Variants in SYNE1 observed in about 807,000 individuals in gnomAD.
SYNE1 encodes spectrin repeat containing nuclear envelope protein 1.
Under a neutral mutation model 1,111.0 loss-of-function variants are expected in SYNE1, and 616 were observed. The observed-to-expected ratio is 0.55, with a 90% CI of 0.52 to 0.59. SYNE1 has a LOEUF of 0.59. Among genes scored for constraint, SYNE1 ranks in the 20% least tolerant of loss-of-function variants. SYNE1 has a pLI of 0.00. For synonymous variants in SYNE1, 3,855 were observed against 3,825.8 expected, an observed-to-expected ratio of 1.01 and a Z score of -0.28; for missense variants, 10,006 against 10,417.0, an observed-to-expected ratio of 0.96 and a Z score of 1.72.
chr6:152,492,324 A>G (rs1451518897), intron 11 of SYNE1, among the ~76,000 whole-genome samples: 1 of 152,230 alleles, frequency 6.6e-6, no homozygotes, highest in Non-Finnish European at 1.5e-5. Context: ...GTACAATAAT[A>G]GAGAAGAGTC....
chr6:152,260,163 T>C (rs1470876309), intron 101 of SYNE1, among the ~76,000 whole-genome samples: 1 of 152,156 alleles, frequency 6.6e-6, no homozygotes, highest in African/African-American at 2.4e-5. Flanking sequence ...AATCTAGAAA[T>C]ATCGTAGATT....
At chr6:152,543,405 C>T (rs2099283009) in intron 3 of SYNE1, among the ~76,000 whole-genome samples, 1 of 152,054 alleles carries the variant, frequency 6.6e-6, no homozygotes, top group African/African-American at 2.4e-5. Context: ...ATTCAGCAAA[C>T]CCTCATTTTT....
At chr6:152,122,797 C>G in intron 145 of SYNE1, 121 bp from the exon 146 acceptor site, 1 of 1,484,256 alleles carries the variant, frequency 6.7e-7, no homozygotes, top group African/African-American at 1.4e-5. Flanking sequence ...GCCTGGCGAT[C>G]AGCTGCCAGC....
At chr6:152,333,139 T>G (rs115934223) in intron 77 of SYNE1, among the ~76,000 whole-genome samples, 1,599 of 151,758 alleles carry the variant, frequency 0.011, 37 homozygotes, top group African/African-American at 0.036. Flanking sequence ...AAGTGTAGAT[T>G]TTAACAATTA....
At position 152,325,313 on chromosome 6, in the gene SYNE1, G is replaced by T. The variant is rs1318890102; in HGVS notation, c.15439-11C>A. The T allele has an allele frequency of 1.9e-6, 3 of 1,613,666 alleles. No homozygotes were observed. The East Asian group carries it at 6.7e-5, about 36-fold the overall frequency. On this transcript the variant is annotated splice_polypyrimidine_tract_variant and intron_variant, in intron 80 of 145. Coordinates refer to ENST00000367255, the MANE Select transcript of SYNE1 (RefSeq NM_182961.4). ...CACTGACACTAAAGCCTAGGGTTGG[G>T]GGTGGAGGACGGAAGAGAGGAGACA...
chr6:152,483,708 T>C (rs778371478), intron 13 of SYNE1, among the ~76,000 whole-genome samples: 5 of 152,128 alleles, frequency 3.3e-5, no homozygotes, highest in Admixed American at 1.3e-4. Flanking sequence ...ATGAGGATTA[T>C]CTAAGCAGCT....
Position 152,409,075 on chromosome 6 carries a change from C to A in SYNE1, c.6533G>T (p.Trp2178Leu). 6.2e-7 allele frequency: 1 copy of A among 1,614,062 alleles called. No homozygotes were observed. Among genetic ancestry groups the A allele is most frequent in the Non-Finnish European group, 8.5e-7 (1 of 1,179,978 alleles). Residue 2178 changes from tryptophan to leucine, a missense_variant, in exon 44 of 146, where the codon TGG becomes TTG. Transcript: ENST00000367255. ...KTDMESTVDK[W>L]LDVSEKLEEN... ...CCCAGGTGATTATCTTACATCCAGC[C>A]ATTTGTCCACGGTGCTCTCCATGTC... is the stretch of plus-strand genomic sequence containing the variant.
intron 8 of SYNE1, among the ~76,000 whole-genome samples, chr6:152,506,004 A>T (rs1251613162): frequency 6.6e-6 from 1 of 152,228 alleles, no homozygotes; most frequent in Non-Finnish European, 1.5e-5. Context: ...ACCTAAATGC[A>T]AACAATAATT....
At chr6:152,536,939 T>A (rs2099246235) in intron 4 of SYNE1, among the ~76,000 whole-genome samples, 1 of 152,170 alleles carries the variant, frequency 6.6e-6, no homozygotes, top group Non-Finnish European at 1.5e-5. Flanking sequence ...GGCACTGTAA[T>A]TGGCACGTGG....
chr6:152,495,255 C>G (rs1170932889), intron 11 of SYNE1, among the ~76,000 whole-genome samples: 4 of 152,178 alleles, frequency 2.6e-5, no homozygotes, highest in African/African-American at 9.7e-5. Context: ...TAAAATACCT[C>G]TTGGTCTGTG....
intron 40 of SYNE1, among the ~76,000 whole-genome samples, chr6:152,419,163 A>G (rs2098215144): frequency 6.6e-6 from 1 of 152,224 alleles, no homozygotes. Context: ...TTTATAAATA[A>G]GGGAAATAAG....
rs1382726928 is a variant in SYNE1 at position 152,391,576 on chromosome 6, A to C, written c.7713-8T>G. ...AGCTTATCAAGAGACTCTCTGAAAA[A>C]AAGGAAAAAAAAAAAAAAGAAAAAA... On this transcript the variant is annotated splice_region_variant and splice_polypyrimidine_tract_variant and intron_variant, in intron 51 of 145. Transcript: ENST00000367255. 2 of 1,569,110 alleles carry C rather than the reference A, an allele frequency of 1.3e-6. No individual in the cohort carries two copies. The highest frequency in any genetic ancestry group is 1.7e-6 in the Non-Finnish European group (2 of 1,170,818).
intron 18 of SYNE1, among the ~76,000 whole-genome samples, chr6:152,464,069 A>G (rs888302215): frequency 6.6e-6 from 1 of 152,210 alleles, no homozygotes; most frequent in Non-Finnish European, 1.5e-5. Context: ...TCAGTGTAGT[A>G]CATTAAGATA....
intron 51 of SYNE1, 110 bp from the exon 52 acceptor site, chr6:152,391,678 C>T (rs1318163517): frequency 8.0e-7 from 1 of 1,247,696 alleles, no homozygotes; most frequent in African/African-American, 1.5e-5. Flanking sequence ...GACACAGGCT[C>T]ATAGCTGACA....
chr6:152,420,923 T>C (rs1429031495), intron 39 of SYNE1, among the ~76,000 whole-genome samples: 1 of 152,232 alleles, frequency 6.6e-6, no homozygotes, highest in East Asian at 1.9e-4. Context: ...TGGAGACTAT[T>C]TGTGAGCATT....
intron 34 of SYNE1, among the ~76,000 whole-genome samples, 198 bp from the exon 35 acceptor site, chr6:152,430,907 G>GT (rs748945544): frequency 7.2e-5 from 11 of 152,288 alleles, no homozygotes; most frequent in Non-Finnish European, 1.5e-4. Context: ...ACAGTGATGG[G>GT]TTGGGGGGTG....
Position 152,188,957 on chromosome 6 carries a change from C to CAA in SYNE1, c.23301+293_23301+294dup, listed in dbSNP as rs1159424311. Among the ~76,000 whole-genome samples, 67 of 49,086 alleles carry CAA rather than the reference C, an allele frequency of 1.4e-3. 4 individuals are homozygous for CAA. The highest frequency in any genetic ancestry group is 1.9e-3 in the East Asian group (2 of 1,046). 32.2% of individuals were successfully genotyped at this position (49,086 alleles called of 152,430 possible). A position where few individuals can be genotyped will look rare whatever the true frequency, so the allele number is the denominator to read the frequency against. ...TGGGCAAAAGAGTGAGACTCTGTCT[C>CAA]AAAAAAAAAAAAAAAAAAAAAAAAA... On this transcript the variant is annotated intron_variant, in intron 128 of 145. Coordinates refer to ENST00000367255, the MANE Select transcript of SYNE1 (RefSeq NM_182961.4).
rs186760618 is a variant in SYNE1 at position 152,511,710 on chromosome 6, A to G, written c.310-607T>C. ...AGTCAGTTTAGAACCTGACTGTGGT[A>G]ATACGTTTTAAAGAAAAACAAAGGA... On this transcript the variant is annotated intron_variant, in intron 6 of 145. Transcript: ENST00000367255. 2.4e-4 allele frequency: 248 copies of G among 1,017,126 alleles called. No homozygotes were observed. The African/African-American group carries it at 3.4e-3, about 14-fold the overall frequency. 63.0% of individuals were successfully genotyped at this position (1,017,126 alleles called of 1,614,324 possible).
chr6:152,255,442 T>C, intron 103 of SYNE1, 149 bp downstream of exon 103: 2 of 970,144 alleles, frequency 2.1e-6, no homozygotes, highest in Non-Finnish European at 3.2e-6. Flanking sequence ...AAATGCGAAC[T>C]ATAAATATTC....
Sources: allele counts gnomAD v4.1 joint callset (sites outside exome capture counted in the v4.1 genomes callset), GRCh38; gene constraint gnomAD v4.1.1; transcripts MANE v1.5; gene names NCBI Gene and HGNC (gene_info 2026-07-23, HGNC 2026-07-21).